PRKACA: variants seen among roughly 807,000 people sequenced by gnomAD.
PRKACA encodes the protein protein kinase cAMP-activated catalytic subunit alpha, also known as cAMP-dependent protein kinase catalytic subunit alpha.
A neutral mutation model predicts 45.8 loss-of-function variants in PRKACA; 9 were observed. The observed-to-expected ratio is 0.20, with a 90% CI of 0.12 to 0.34. The LOEUF is 0.34. Among genes scored for constraint, PRKACA ranks in the 10% least tolerant of loss-of-function variants. The probability of loss-of-function intolerance (pLI) is 1.00; values close to 1 mark genes in which losing one functional copy is unlikely to be tolerated. For missense variants in PRKACA, 238 were observed against 458.6 expected (o/e 0.52, Z 4.39); for synonymous variants, 160 against 178.6 (o/e 0.90, Z 0.83).
intron 8 of PRKACA, among the ~76,000 whole-genome samples, chr19:14,095,142 T>C (rs1977206909): frequency 6.6e-6 from 1 of 151,960 alleles, no homozygotes; most frequent in African/African-American, 2.4e-5. Flanking sequence ...CTTTCTTTTT[T>C]TTCCCACTCT....
chr19:14,099,812 T>C (rs1977388988), intron 5 of PRKACA, among the ~76,000 whole-genome samples: 1 of 151,528 alleles, frequency 6.6e-6, no homozygotes, highest in Admixed American at 6.6e-5. Context: ...TATAAAACTG[T>C]CCACCTATAT....
intron 5 of PRKACA, 169 bp from the exon 6 acceptor site, chr19:14,098,059 T>TGGAC: frequency 1.3e-6 from 1 of 762,958 alleles, no homozygotes; most frequent in Non-Finnish European, 2.1e-6. Flanking sequence ...TGTGGGTCCA[T>TGGAC]CCACAGGAAA....
In PRKACA at chr19:14,097,966, T is replaced by C; in HGVS notation, c.420-76A>G. The C allele has an allele frequency of 6.3e-7, 1 of 1,575,296 alleles. No homozygotes were observed. The highest frequency in any genetic ancestry group is 8.7e-7 in the Non-Finnish European group (1 of 1,153,546). On this transcript the variant is annotated intron_variant, in intron 5 of 9. Coordinates refer to ENST00000308677, the MANE Select transcript of PRKACA (RefSeq NM_002730.4). The surrounding 1 kb of genome is among the most constrained non-coding windows in gnomAD (Gnocchi z 5.4). The stretch of plus-strand genomic sequence containing the variant: ...GTCCAGCAGGTGGCCCTGCAGAGCC[T>C]ACCCCAGAGGAAGACACCTCCAGTC...
At chr19:14,111,140 G>A (rs1243153161) in intron 1 of PRKACA, among the ~76,000 whole-genome samples, 1 of 152,236 alleles carries the variant, frequency 6.6e-6, no homozygotes, top group East Asian at 1.9e-4. Flanking sequence ...GCTCACGCCT[G>A]TAATCCCAGC....
At chr19:14,098,510 T>C (rs1977338171) in intron 5 of PRKACA, 1 of 151,708 alleles carries the variant, frequency 6.6e-6, no homozygotes, top group Non-Finnish European at 1.5e-5. Context: ...TTAATTTATT[T>C]TTTTTAAGAC....
chr19:14,104,347 A>T (rs1053386187), intron 3 of PRKACA, among the ~76,000 whole-genome samples: 1 of 149,814 alleles, frequency 6.7e-6, no homozygotes, highest in African/African-American at 2.5e-5. Flanking sequence ...AAAAAAAAAA[A>T]AAAAAAAACA....
At chr19:14,102,738 G>T in intron 4 of PRKACA, 78 bp downstream of exon 4, 3 of 1,265,762 alleles carry the variant, frequency 2.4e-6, no homozygotes, top group Non-Finnish European at 2.3e-6. Flanking sequence ...ATTGTCCTCA[G>T]CTCCGACCCC....
At chr19:14,101,893 G>A (rs139922165) in intron 4 of PRKACA, among the ~76,000 whole-genome samples, 1 of 148,470 alleles carries the variant, frequency 6.7e-6, no homozygotes, top group African/African-American at 2.5e-5. Flanking sequence ...GCTTGGCACA[G>A]TGGCTCATGC....
intron 1 of PRKACA, chr19:14,114,109 C>T: frequency 6.2e-7 from 1 of 1,607,660 alleles, no homozygotes; most frequent in African/African-American, 1.3e-5. Context: ...TAGGAAGTTG[C>T]TATAGTAACA....
At chr19:14,108,184 C>G (rs184562247) in intron 1 of PRKACA, 47 of 984,128 alleles carry the variant, frequency 4.8e-5, no homozygotes, top group Admixed American at 2.5e-4. Flanking sequence ...GACTTGGGGT[C>G]AAGATCCAGT....
At chr19:14,102,674 C>G (rs1169836402) in intron 4 of PRKACA, 142 bp downstream of exon 4, 3 of 726,632 alleles carry the variant, frequency 4.1e-6, no homozygotes, top group African/African-American at 1.8e-5. Flanking sequence ...ACTCCTGTCC[C>G]CTGATCTCCC....
intron 8 of PRKACA, among the ~76,000 whole-genome samples, chr19:14,094,525 G>A (rs1183642384): frequency 6.6e-6 from 1 of 152,202 alleles, no homozygotes; most frequent in Non-Finnish European, 1.5e-5. Flanking sequence ...CCCAGCAATG[G>A]TGCTGCTGGA....
rs1252057351 is a variant in PRKACA at position 14,106,790 on chromosome 19, G to A, written c.207C>T (p.His69=). The change falls in exon 3 of 10, where the codon CAC becomes CAT. Residue 69 remains histidine (H), a synonymous_variant. Coordinates refer to ENST00000308677, the MANE Select transcript of PRKACA (RefSeq NM_002730.4). The stretch of plus-strand genomic sequence containing the variant: ...GTTTGTCGAGGATCTTCATGGCATA[G>A]TGGTTCCCGGTCTCCTTGTGTTTCA... ...MLVKHKETGN[H]YAMKILDKQK... The A allele has an allele frequency of 1.2e-6, 2 of 1,614,242 alleles. No individual in the cohort carries two copies. The highest frequency in any genetic ancestry group is 3.3e-5 in the Admixed American group (2 of 60,034).
intron 2 of PRKACA, among the ~76,000 whole-genome samples, chr19:14,107,146 AG>A (rs1279468875): frequency 9.4e-5 from 1 of 10,670 alleles, no homozygotes; most frequent in Non-Finnish European, 1.8e-4. Context: ...GGCCGTTGGG[AG>A]GGGTGGTGGG....
chr19:14,107,700 C>T, intron 1 of PRKACA: 1 of 1,196,660 alleles, frequency 8.4e-7, no homozygotes, highest in Non-Finnish European at 1.0e-6. Flanking sequence ...CCCACTCGCC[C>T]CAGTTCTGAC....
chr19:14,093,398 G>T (rs979455928), intron 9 of PRKACA, among the ~76,000 whole-genome samples, 161 bp from the exon 10 acceptor site: 2 of 152,142 alleles, frequency 1.3e-5, no homozygotes, highest in Non-Finnish European at 2.9e-5. Context: ...AACTCTTAAT[G>T]TAGCAACTCA....
At chr19:14,117,205 G>T (rs953871695) in intron 1 of PRKACA, among the ~76,000 whole-genome samples, 1 of 150,598 alleles carries the variant, frequency 6.6e-6, no homozygotes, top group South Asian at 2.1e-4. Flanking sequence ...AAAGGAGGGG[G>T]TAGGCTGGTG....
chr19:14,101,289 G>A (rs999189147), intron 4 of PRKACA: 1 of 232,936 alleles, frequency 4.3e-6, no homozygotes, highest in Non-Finnish European at 8.8e-6. Context: ...ACAGAGGGTC[G>A]GGTGTGGTGG....
chr19:14,098,907 A>T (rs2145752042), intron 5 of PRKACA, among the ~76,000 whole-genome samples: 1 of 152,198 alleles, frequency 6.6e-6, no homozygotes, highest in Admixed American at 6.6e-5. Context: ...AGGTAGCTAT[A>T]TACAACTGTC....
Sources: allele counts gnomAD v4.1 joint callset (sites outside exome capture counted in the v4.1 genomes callset), GRCh38; gene constraint gnomAD v4.1.1; non-coding constraint Gnocchi (gnomAD v3.1); transcripts MANE v1.5; gene names NCBI Gene and HGNC (gene_info 2026-07-23, HGNC 2026-07-21).